Variants in GARNL3 observed in about 807,000 individuals in gnomAD.
GARNL3 encodes GTPase-activating Rap/Ran-GAP domain-like protein 3.
In GARNL3, 63 loss-of-function variants were observed where a neutral mutation model predicts 125.0. That is an observed-to-expected ratio of 0.50 (90% confidence interval 0.41 to 0.62). The LOEUF is 0.62. Among genes scored for constraint, GARNL3 ranks in the 20% least tolerant of loss-of-function variants. GARNL3 has a pLI of 0.00. For synonymous variants in GARNL3, 439 were observed against 457.5 expected, an observed-to-expected ratio of 0.96 and a Z score of 0.52; for missense variants, 994 against 1,244.0, an observed-to-expected ratio of 0.80 and a Z score of 3.02.
intron 6 of GARNL3, among the ~76,000 whole-genome samples, chr9:127,322,665 G>A (rs923426615): frequency 7.9e-5 from 12 of 152,262 alleles, no homozygotes; most frequent in African/African-American, 2.9e-4. Flanking sequence ...TTTCCCTTAG[G>A]AAGAGTTGAG....
chr9:127,390,562 C>T (rs1443127784), intron 26 of GARNL3, 79 bp from the exon 27 acceptor site: 2 of 1,381,170 alleles, frequency 1.4e-6, no homozygotes, highest in Non-Finnish European at 2.0e-6. Context: ...CAGTTCCCAA[C>T]CAAGAAAAAA....
At chr9:127,339,458 T>TGAGACTTATTCACTATCAC (rs1457615621) in intron 12 of GARNL3, among the ~76,000 whole-genome samples, 187 bp from the exon 13 acceptor site, 1 of 152,108 alleles carries the variant, frequency 6.6e-6, no homozygotes, top group Non-Finnish European at 1.5e-5. Flanking sequence ...TCAGATCTCA[T>TGAGACTTATTCACTATCAC]GAGACTTATT....
chr9:127,344,392 C>CTGGTTAGGATGGAA, intron 15 of GARNL3, 53 bp downstream of exon 15: 7 of 1,213,218 alleles, frequency 5.8e-6, no homozygotes, highest in Non-Finnish European at 7.3e-6. Flanking sequence ...TGAGTTCCAT[C>CTGGTTAGGATGGAA]CTAACCAGAT....
chr9:127,335,257 A>C lies in GARNL3; in HGVS notation c.797A>C (p.Tyr266Ser). Residue 266 changes from tyrosine to serine, a missense_variant, in exon 10 of 28, where the codon TAT (tyrosine) becomes TCT (serine). Physicochemically the swap from Tyr to Ser is moderately radical, Grantham distance 144. Transcript: ENST00000373387. ...GATACCACAGGGATACATTCAGTTT[A>C]TACTGTGTACCAAGGGCATGAGATC... ...KNDTTGIHSV[Y>S]TVYQGHEIMF... 1 of 1,613,806 alleles carries C rather than the reference A, an allele frequency of 6.2e-7. No homozygotes were observed. The highest frequency in any genetic ancestry group is 8.5e-7 in the Non-Finnish European group (1 of 1,179,650).
At chr9:127,239,118 C>G (rs979402998) in intron 1 of GARNL3, among the ~76,000 whole-genome samples, 16 of 152,206 alleles carry the variant, frequency 1.1e-4, no homozygotes, top group Admixed American at 8.5e-4. Context: ...GAATTTCCAG[C>G]CTTCACCCCC....
At chr9:127,233,251 G>A (rs1439244256) in intron 1 of GARNL3, among the ~76,000 whole-genome samples, 2 of 152,142 alleles carry the variant, frequency 1.3e-5, no homozygotes, top group Admixed American at 1.3e-4. Context: ...TCTAGCATAT[G>A]TCCCTGAGTT....
intron 22 of GARNL3, among the ~76,000 whole-genome samples, chr9:127,377,398 A>C (rs114080887): frequency 0.012 from 1,867 of 152,348 alleles, 43 homozygotes; most frequent in African/African-American, 0.043. Context: ...TAAAAGTGAA[A>C]TATAAAAAGT....
chr9:127,259,298 G>T (rs936806492), upstream of GARNL3, among the ~76,000 whole-genome samples: 1 of 152,178 alleles, frequency 6.6e-6, no homozygotes, highest in Non-Finnish European at 1.5e-5. Context: ...TTAACATGGA[G>T]GTCCTCAGCT....
Position 127,357,268 on chromosome 9 carries a change from C to T in GARNL3, c.1985C>T (p.Pro662Leu), listed in dbSNP as rs773420429. 5 of 1,614,160 alleles carry T rather than the reference C, an allele frequency of 3.1e-6. No individual in the cohort carries two copies. Among genetic ancestry groups the T allele is most frequent in the Admixed American group, 1.7e-5 (1 of 60,024 alleles). ...ATGGTGATGACCTTAGTGGATGGGCCAGCTGAAGAGAGTGACAATCTCATC... is the reference window on the plus strand; with the variant it reads ...ATGGTGATGACCTTAGTGGATGGGCTAGCTGAAGAGAGTGACAATCTCATC... ...SPMVMTLVDG[P>L]AEESDNLICV... is the part of the protein sequence containing the mutation. Residue 662 changes from proline (P) to leucine (L), a missense_variant, in exon 21 of 28, where the codon CCA becomes CTA. By Grantham distance (98) the Pro-to-Leu change is moderately conservative. Transcript: ENST00000373387.
intron 17 of GARNL3, among the ~76,000 whole-genome samples, chr9:127,352,368 G>A (rs924339967): frequency 3.9e-5 from 6 of 152,192 alleles, no homozygotes; most frequent in Non-Finnish European, 8.8e-5. Context: ...CATATGGAAA[G>A]CCCTTAGTAT....
At chr9:127,278,804 T>C (rs2064026039) in intron 1 of GARNL3, among the ~76,000 whole-genome samples, 1 of 152,154 alleles carries the variant, frequency 6.6e-6, no homozygotes, top group Non-Finnish European at 1.5e-5. Flanking sequence ...CTTCCTTGCC[T>C]CTTCTAGTTT....
At chr9:127,318,728 A>G (rs576559207) in intron 5 of GARNL3, among the ~76,000 whole-genome samples, 2 of 150,916 alleles carry the variant, frequency 1.3e-5, no homozygotes, top group East Asian at 2.0e-4. Flanking sequence ...GAATGCCGCC[A>G]CTTGGATCCA....
chr9:127,249,248 A>T (rs779842261), intron 2 of GARNL3, among the ~76,000 whole-genome samples: 2 of 152,232 alleles, frequency 1.3e-5, no homozygotes, highest in Non-Finnish European at 2.9e-5. Context: ...AAACTATGAC[A>T]GGGTGGAATT....
chr9:127,268,565 A>G (rs886424694), intron 1 of GARNL3, among the ~76,000 whole-genome samples: 1 of 152,228 alleles, frequency 6.6e-6, no homozygotes, highest in Non-Finnish European at 1.5e-5. Flanking sequence ...GTGGTAAAAC[A>G]GACAGAACAT....
chr9:127,373,387 T>A (rs993557174), intron 22 of GARNL3, among the ~76,000 whole-genome samples: 1 of 152,222 alleles, frequency 6.6e-6, no homozygotes, highest in African/African-American at 2.4e-5. Context: ...GGTGGTGCTA[T>A]AACTTTAAGT....
At chr9:127,259,405 G>T (rs954420709), upstream of GARNL3, among the ~76,000 whole-genome samples, 1 of 152,172 alleles carries the variant, frequency 6.6e-6, no homozygotes, top group African/African-American at 2.4e-5. Flanking sequence ...TTGCCTGTGG[G>T]AAACTTGAAG....
intron 1 of GARNL3, among the ~76,000 whole-genome samples, chr9:127,274,036 T>C (rs931938734): frequency 3.3e-5 from 5 of 152,230 alleles, no homozygotes; most frequent in Non-Finnish European, 1.5e-5. Context: ...AAGTAAGATA[T>C]ATTTAAGTAA....
chr9:127,378,940 T>C (rs986702442), intron 22 of GARNL3, among the ~76,000 whole-genome samples: 12 of 152,156 alleles, frequency 7.9e-5, no homozygotes, highest in Non-Finnish European at 1.6e-4. Flanking sequence ...TAGGTCCGGC[T>C]AATTTTTTTG....
chr9:127,346,098 T>C (rs1045644861), intron 16 of GARNL3, among the ~76,000 whole-genome samples: 2 of 152,238 alleles, frequency 1.3e-5, no homozygotes, highest in Non-Finnish European at 2.9e-5. Context: ...ATTCTTTGGC[T>C]ATTTATCTAC....
Sources: gnomAD v4.1 joint callset for allele counts (sites outside exome capture counted in the v4.1 genomes callset) on GRCh38, gnomAD v4.1.1 for gene constraint, MANE v1.5 for transcripts, NCBI Gene and HGNC (gene_info 2026-07-23, HGNC 2026-07-21) for gene names.